RBM33: variants seen among roughly 807,000 people sequenced by gnomAD.
RBM33 encodes RNA-binding protein 33.
Under a neutral mutation model 132.6 loss-of-function variants are expected in RBM33, and 28 were observed. The observed-to-expected ratio is 0.21, with a 90% CI of 0.16 to 0.29. The LOEUF (loss-of-function observed/expected upper bound fraction) is 0.29, where lower values mean the gene tolerates loss of function less well. RBM33 is among the 10% of genes least tolerant of loss of function. RBM33 has a pLI of 1.00. For synonymous variants in RBM33, 634 were observed against 593.0 expected (o/e 1.07, Z -1.01); for missense variants, 1,291 against 1,518.5 (o/e 0.85, Z 2.49).
At chr7:155,723,368 C>T (rs986532603) in intron 9 of RBM33, among the ~76,000 whole-genome samples, 1 of 152,194 alleles carries the variant, frequency 6.6e-6, no homozygotes, top group Admixed American at 6.5e-5. Context: ...TTTCTCTGAT[C>T]AGATCTATAA....
At chr7:155,716,156 G>A (rs575543839) in intron 8 of RBM33, among the ~76,000 whole-genome samples, 7 of 152,070 alleles carry the variant, frequency 4.6e-5, no homozygotes, top group Non-Finnish European at 2.9e-5. Flanking sequence ...TGCAGTAGTC[G>A]GGCAGCCAGG....
intron 9 of RBM33, among the ~76,000 whole-genome samples, chr7:155,734,785 C>T (rs1479295590): frequency 6.6e-6 from 1 of 152,056 alleles, no homozygotes; most frequent in Non-Finnish European, 1.5e-5. Context: ...TATTCAGAAC[C>T]ACCATTGCCA....
Position 155,780,948 on chromosome 7 carries a change from GCCCTTAACCA to G in RBM33, c.*5911_*5920del, listed in dbSNP as rs1336483529. On this transcript the variant is annotated 3_prime_UTR_variant, in exon 18 of 18. Coordinates refer to ENST00000401878, the MANE Select transcript of RBM33 (RefSeq NM_053043.3). Reference sequence around the variant, plus strand: ...CGGCGTCCCGCAGTGTGCGGTTCGTGCCCTTAACCACCCGCTTCTTTGTTTCCCGCCCCTC... The same window carrying G: ...CGGCGTCCCGCAGTGTGCGGTTCGTGCCCGCTTCTTTGTTTCCCGCCCCTC... 6.5e-6 allele frequency: 1 copy of G among 152,788 alleles called. No homozygotes were observed. 9.5% of individuals were successfully genotyped at this position (152,788 alleles called of 1,614,324 possible). A position where few individuals can be genotyped will look rare whatever the true frequency, so the allele number is the denominator to read the frequency against.
At chr7:155,674,378 T>C (rs1799116403) in intron 3 of RBM33, among the ~76,000 whole-genome samples, 2 of 152,208 alleles carry the variant, frequency 1.3e-5, no homozygotes, top group African/African-American at 2.4e-5. Flanking sequence ...CTAGGTGCTC[T>C]CACTTGTATT....
In RBM33 at chr7:155,763,894, C is replaced by T; in HGVS notation, c.3062C>T (p.Ala1021Val). The change falls in exon 15 of 18, where the codon GCC (alanine) becomes GTC (valine). Residue 1021 changes from alanine (A) to valine (V), a missense_variant. Ala to Val is a moderately conservative substitution (Grantham distance 64). This residue lies in a region of RBM33 where 841 missense variants were observed against 912.0 expected (regional missense o/e 0.92). Transcript: ENST00000401878. ...CCTCCGGAAGTGGGACCACAGCCTG[C>T]CCGCAAGGTGACGCTGACCAGGGGG... ...PQPPEVGPQPARKVTLTRGGL... is the reference protein window; with the variant it reads ...PQPPEVGPQPVRKVTLTRGGL... 1 of 1,610,550 alleles carries T rather than the reference C, an allele frequency of 6.2e-7. No homozygotes were observed. Among genetic ancestry groups the T allele is most frequent in the Non-Finnish European group, 8.5e-7 (1 of 1,178,484 alleles).
chr7:155,722,478 TTC>T (rs953312007), intron 9 of RBM33, among the ~76,000 whole-genome samples: 1 of 152,234 alleles, frequency 6.6e-6, no homozygotes, highest in Non-Finnish European at 1.5e-5. Flanking sequence ...ATTTCAGATG[TTC>T]TCTGTTTTAC....
chr7:155,660,633 T>C (rs966248897), intron 1 of RBM33, among the ~76,000 whole-genome samples: 5 of 152,236 alleles, frequency 3.3e-5, no homozygotes, highest in Non-Finnish European at 5.9e-5. Flanking sequence ...TTGTAGGTGA[T>C]GAGTCATTTT....
intron 1 of RBM33, among the ~76,000 whole-genome samples, chr7:155,654,698 C>T (rs1187664088): frequency 6.6e-6 from 1 of 152,174 alleles, no homozygotes; most frequent in Non-Finnish European, 1.5e-5. Context: ...TTCCCCAGCC[C>T]TCATCACATT....
At chr7:155,650,779 C>T (rs10225944) in intron 1 of RBM33, among the ~76,000 whole-genome samples, 2,505 of 152,240 alleles carry the variant, frequency 0.016, 60 homozygotes, top group African/African-American at 0.055. Context: ...AAGTCAATTA[C>T]GATCATTTAA....
chr7:155,707,933 T>C (rs1800163300), intron 7 of RBM33, among the ~76,000 whole-genome samples: 1 of 152,248 alleles, frequency 6.6e-6, no homozygotes, highest in Admixed American at 6.5e-5. Context: ...GTGCTGGGAT[T>C]ACGGGCGTGA....
rs567358427 is a variant in RBM33, at chr7:155,646,610, C to T, written c.43+1691C>T. Among the ~76,000 whole-genome samples, 19 of 152,326 alleles carry T rather than the reference C, an allele frequency of 1.2e-4. No individual in the cohort carries two copies. In the South Asian group the frequency reaches 3.7e-3, roughly 30 times the overall value. On this transcript the variant is annotated intron_variant, in intron 1 of 17. Transcript: ENST00000401878. ...GTACCCGCTCTTGCCAGGGCTGACT[C>T]CTGATCCAGTGGATCTCACGCTTTT...
chr7:155,695,183 T>C (rs1799757424), intron 5 of RBM33, among the ~76,000 whole-genome samples: 1 of 152,212 alleles, frequency 6.6e-6, no homozygotes, highest in African/African-American at 2.4e-5. Context: ...TCTTCTTTGC[T>C]TCTAGTTTTA....
chr7:155,657,436 T>C (rs187745625), intron 1 of RBM33, among the ~76,000 whole-genome samples: 7 of 152,370 alleles, frequency 4.6e-5, no homozygotes, highest in Admixed American at 3.9e-4. Context: ...AACAAGGTTA[T>C]AATACTTGTT....
chr7:155,668,025 G>A (rs906443819), intron 2 of RBM33, among the ~76,000 whole-genome samples: 24 of 151,868 alleles, frequency 1.6e-4, no homozygotes, highest in Non-Finnish European at 1.9e-4. Context: ...AAAAATAAAC[G>A]GTTTAAAATA....
chr7:155,771,556 G>A (rs1333040492), intron 16 of RBM33, among the ~76,000 whole-genome samples: 5 of 152,012 alleles, frequency 3.3e-5, no homozygotes, highest in African/African-American at 1.2e-4. Context: ...ATCAAATCGA[G>A]GTTTTTAAGC....
At chr7:155,757,668 A>C (rs1454594505) in intron 14 of RBM33, among the ~76,000 whole-genome samples, 1 of 152,180 alleles carries the variant, frequency 6.6e-6, no homozygotes, top group Non-Finnish European at 1.5e-5. Context: ...GAGGTGTATT[A>C]GGCAGTTCTT....
chr7:155,741,799 C>CT lies in RBM33; in HGVS notation c.2050-19dup. The CT allele has an allele frequency of 6.3e-7, 1 of 1,589,462 alleles. No homozygotes were observed. The highest frequency in any genetic ancestry group is 8.6e-7 in the Non-Finnish European group (1 of 1,162,592). On this transcript the variant is annotated intron_variant, in intron 12 of 17. Coordinates refer to ENST00000401878, the MANE Select transcript of RBM33 (RefSeq NM_053043.3). Reference sequence around the variant, plus strand: ...CCAAGTTTCCACTTACAATTAGAATCTCTTTCTTTTTGTGAAAAGAATACA... The same window carrying CT: ...CCAAGTTTCCACTTACAATTAGAATCTTCTTTCTTTTTGTGAAAAGAATACA...
At chr7:155,750,922 C>T (rs1055566215) in intron 14 of RBM33, among the ~76,000 whole-genome samples, 1 of 152,100 alleles carries the variant, frequency 6.6e-6, no homozygotes, top group Non-Finnish European at 1.5e-5. Context: ...CGCAGGAAAG[C>T]CAGCTGTCCA....
chr7:155,742,124 TTAAC>T lies in RBM33; in HGVS notation c.2337+19_2337+22del, dbSNP rs768254589. 1 of 1,587,440 alleles carries T rather than the reference TTAAC, an allele frequency of 6.3e-7. No homozygotes were observed. The highest frequency in any genetic ancestry group is 8.6e-7 in the Non-Finnish European group (1 of 1,162,574). Reference sequence around the variant, plus strand: ...AAACAGAGGTAGGACACTGCTCTTATTAACAAATGTTGGTCTCAAACAAGAAGCC... The same window carrying T: ...AAACAGAGGTAGGACACTGCTCTTATAAATGTTGGTCTCAAACAAGAAGCC... On this transcript the variant is annotated intron_variant, in intron 13 of 17. Transcript: ENST00000401878.
Sources: allele counts gnomAD v4.1 joint callset (sites outside exome capture counted in the v4.1 genomes callset), GRCh38; gene constraint gnomAD v4.1.1; regional missense constraint gnomAD v4.1.1; transcripts MANE v1.5; gene names NCBI Gene and HGNC (gene_info 2026-07-23, HGNC 2026-07-21).